Variants in DYM observed in about 807,000 individuals in gnomAD.
DYM encodes the protein dyggve-Melchior-Clausen syndrome protein.
A neutral mutation model predicts 93.1 loss-of-function variants in DYM; 78 were observed. The observed-to-expected ratio is 0.84, with a 90% CI of 0.70 to 1.01. DYM has a LOEUF of 1.01. Ranked by LOEUF, DYM falls within the 50% of genes least tolerant of loss-of-function variation. DYM has a pLI of 0.00. For missense variants in DYM, 789 were observed against 845.0 expected (o/e 0.93, Z 0.82); for synonymous variants, 321 against 319.7 (o/e 1.00, Z -0.04).
chr18:49,452,200 G>C (rs2082576324), intron 1 of DYM, among the ~76,000 whole-genome samples: 1 of 152,214 alleles, frequency 6.6e-6, no homozygotes, highest in Admixed American at 6.5e-5. Context: ...TCCTTCTGGT[G>C]GGTTCGTGCT....
intron 13 of DYM, among the ~76,000 whole-genome samples, chr18:49,236,745 C>CA (rs1170481116): frequency 3.3e-5 from 5 of 152,128 alleles, no homozygotes; most frequent in African/African-American, 1.2e-4. Flanking sequence ...CCCAAAAGGC[C>CA]ACTCCGTAGG....
At chr18:49,343,701 T>C (rs1244696710) in intron 6 of DYM, among the ~76,000 whole-genome samples, 2 of 152,152 alleles carry the variant, frequency 1.3e-5, no homozygotes, top group Non-Finnish European at 2.9e-5. Flanking sequence ...GAGAAATTAA[T>C]ACTATTTTAC....
intron 16 of DYM, among the ~76,000 whole-genome samples, chr18:49,108,353 C>T: frequency 6.6e-6 from 1 of 152,246 alleles, no homozygotes; most frequent in Non-Finnish European, 1.5e-5. Flanking sequence ...CTTGTGCTTC[C>T]CGGGTGAGGC....
At chr18:49,361,160 T>A (rs921772383) in intron 6 of DYM, among the ~76,000 whole-genome samples, 3 of 152,216 alleles carry the variant, frequency 2.0e-5, no homozygotes, top group Non-Finnish European at 2.9e-5. Flanking sequence ...AAGGATGTCA[T>A]GCAAGTGTCT....
At position 49,272,239 on chromosome 18, in the gene DYM, G is replaced by A; in HGVS notation, c.1190C>T (p.Ala397Val). ...CGTAAGGATCAACAATATTATAAGG[G>A]CCATATACACATGGTGTGAATTCCT... The part of the protein sequence containing the change: ...EERNSHHVYM[A>V]LIILLILTED... The change falls in exon 11 of 18, where the codon GCC becomes GTC. Residue 397 changes from alanine (A) to valine (V), a missense_variant. By Grantham distance (64) the Ala-to-Val change is moderately conservative (BLOSUM62 0). Around this residue, in one of 3 missense-constraint regions of DYM, gnomAD observed 225 missense variants for 303.0 expected, o/e 0.74. Transcript: ENST00000675505. The A allele has an allele frequency of 6.3e-7, 1 of 1,599,282 alleles. No homozygotes were observed. Among genetic ancestry groups the A allele is most frequent in the Non-Finnish European group, 8.6e-7 (1 of 1,166,842 alleles).
At chr18:49,237,274 T>G (rs1406935489) in intron 13 of DYM, among the ~76,000 whole-genome samples, 1 of 152,220 alleles carries the variant, frequency 6.6e-6, no homozygotes, top group Non-Finnish European at 1.5e-5. Flanking sequence ...TGTATGTGTC[T>G]AGACATGCAT....
intron 1 of DYM, among the ~76,000 whole-genome samples, chr18:49,455,006 T>C (rs576039689): frequency 6.6e-6 from 1 of 151,692 alleles, no homozygotes; most frequent in South Asian, 2.1e-4. Context: ...TCCTCTCTCC[T>C]TTCTTCTATT....
chr18:49,306,869 G>A (rs1317701667), intron 8 of DYM, among the ~76,000 whole-genome samples: 2 of 152,080 alleles, frequency 1.3e-5, no homozygotes, highest in African/African-American at 2.4e-5. Context: ...CTTCTACTCT[G>A]GATTTAAATG....
chr18:49,427,152 T>C (rs935103679), intron 2 of DYM, among the ~76,000 whole-genome samples: 1 of 152,184 alleles, frequency 6.6e-6, no homozygotes, highest in Non-Finnish European at 1.5e-5. Flanking sequence ...TAAAACATAC[T>C]TTTTCTACAT....
At chr18:49,098,004 G>C (rs541969490) in intron 16 of DYM, among the ~76,000 whole-genome samples, 1 of 151,778 alleles carries the variant, frequency 6.6e-6, no homozygotes, top group African/African-American at 2.4e-5. Context: ...CCCTTATCAT[G>C]ATCACCAGGG....
intron 16 of DYM, among the ~76,000 whole-genome samples, chr18:49,102,495 C>A (rs2080270717): frequency 6.6e-6 from 1 of 152,070 alleles, no homozygotes. Context: ...ATACATGTGC[C>A]ATGTTTGTGT....
intron 2 of DYM, among the ~76,000 whole-genome samples, chr18:49,410,719 T>C (rs12458397): frequency 0.095 from 14,424 of 151,160 alleles, 881 homozygotes; most frequent in East Asian, 0.31. Context: ...GCCCTGGAGG[T>C]GGAGGCTGCA....
intron 6 of DYM, among the ~76,000 whole-genome samples, chr18:49,335,783 T>C (rs1323303747): frequency 1.3e-5 from 2 of 151,938 alleles, no homozygotes; most frequent in South Asian, 2.1e-4. Context: ...TGGATGACTA[T>C]GTCCAATACA....
chr18:49,054,509 C>T lies in DYM; in HGVS notation c.2026-10305G>A, dbSNP rs144398336. 7.3e-3 allele frequency among the ~76,000 whole-genome samples: 1,111 copies of T among 152,288 alleles called. 20 individuals are homozygous for T. The highest frequency in any genetic ancestry group is 0.026 in the African/African-American group (1,062 of 41,552). ...CTGCCCGCCTTGGCCTCCCAAAGTG[C>T]AGGAATTACAGGCGTGAGCCACTGT... On this transcript the variant is annotated intron_variant, in intron 17 of 17. Coordinates refer to ENST00000675505, the MANE Select transcript of DYM (RefSeq NM_001353214.3).
At chr18:49,118,168 C>T (rs1374424708) in intron 16 of DYM, among the ~76,000 whole-genome samples, 1 of 151,924 alleles carries the variant, frequency 6.6e-6, no homozygotes, top group African/African-American at 2.4e-5. Flanking sequence ...AGCCACCACA[C>T]CCGGCCCACA....
chr18:49,445,193 G>T (rs1385201527), intron 1 of DYM, among the ~76,000 whole-genome samples: 2 of 152,002 alleles, frequency 1.3e-5, no homozygotes, highest in African/African-American at 4.8e-5. Flanking sequence ...CCTTCATTTT[G>T]CCTCTTGGCT....
At chr18:49,339,448 T>G (rs560662269) in intron 6 of DYM, among the ~76,000 whole-genome samples, 1 of 152,302 alleles carries the variant, frequency 6.6e-6, no homozygotes, top group African/African-American at 2.4e-5. Context: ...GTGTGTTGAG[T>G]AGCCCCTCTT....
chr18:49,330,098 T>A (rs554610128), intron 8 of DYM, among the ~76,000 whole-genome samples: 1 of 152,266 alleles, frequency 6.6e-6, no homozygotes, highest in East Asian at 1.9e-4. Context: ...CCTTTTGTTG[T>A]TTTTTTATAA....
chr18:49,196,455 AC>A (rs2091459195), intron 14 of DYM, among the ~76,000 whole-genome samples: 1 of 152,010 alleles, frequency 6.6e-6, no homozygotes, highest in Non-Finnish European at 1.5e-5. Context: ...ACACACACAC[AC>A]ACACACACAC....
Sources: allele counts gnomAD v4.1 joint callset (sites outside exome capture counted in the v4.1 genomes callset), GRCh38; gene constraint gnomAD v4.1.1; regional missense constraint gnomAD v4.1.1; transcripts MANE v1.5; gene names NCBI Gene and HGNC (gene_info 2026-07-23, HGNC 2026-07-21).